The following SRPK2 variants were observed in gnomAD, a reference collection of about 807,000 sequenced individuals.
SRPK2 encodes the protein SRSF protein kinase 2.
In SRPK2, 21 loss-of-function variants were observed where a neutral mutation model predicts 90.8. The ratio of observed to expected loss-of-function variants is 0.23; its 90% CI spans 0.16 to 0.33. The LOEUF is 0.33. Among genes scored for constraint, SRPK2 ranks in the 10% least tolerant of loss-of-function variants. The probability of loss-of-function intolerance (pLI) is 1.00; values close to 1 mark genes in which losing one functional copy is unlikely to be tolerated. For synonymous variants in SRPK2, 288 were observed against 311.1 expected (o/e 0.93, Z 0.78); for missense variants, 620 against 869.0 (o/e 0.71, Z 3.60).
At chr7:105,302,615 T>G (rs905428543) in intron 2 of SRPK2, among the ~76,000 whole-genome samples, 1 of 152,188 alleles carries the variant, frequency 6.6e-6, no homozygotes, top group African/African-American at 2.4e-5. Context: ...ATACTTTTTC[T>G]AGTTTCTTTT....
intron 2 of SRPK2, among the ~76,000 whole-genome samples, chr7:105,223,370 C>CG: frequency 6.6e-6 from 1 of 152,302 alleles, no homozygotes; most frequent in East Asian, 1.9e-4. Context: ...AGACAGAACA[C>CG]GGAGTTGAAG....
chr7:105,307,813 T>A (rs573952201), intron 2 of SRPK2, among the ~76,000 whole-genome samples: 24 of 152,358 alleles, frequency 1.6e-4, no homozygotes, highest in African/African-American at 5.8e-4. Flanking sequence ...TTATCTTTTA[T>A]AATCATCATA....
intron 7 of SRPK2, among the ~76,000 whole-genome samples, chr7:105,156,222 C>G (rs1806464530): frequency 6.6e-6 from 1 of 152,160 alleles, no homozygotes; most frequent in South Asian, 2.1e-4. Context: ...TGAAGCCAGA[C>G]TATCTGGGTT....
intron 7 of SRPK2, among the ~76,000 whole-genome samples, chr7:105,159,078 A>C (rs960258040): frequency 1.3e-5 from 2 of 152,172 alleles, no homozygotes; most frequent in Non-Finnish European, 2.9e-5. Context: ...ACCTAGCATA[A>C]TACTACATAG....
At chr7:105,237,845 G>A (rs1229123550) in intron 2 of SRPK2, among the ~76,000 whole-genome samples, 2 of 152,118 alleles carry the variant, frequency 1.3e-5, no homozygotes, top group Non-Finnish European at 2.9e-5. Context: ...GGTTATAGGT[G>A]CATTATAAAC....
At chr7:105,373,990 T>C (rs1252966487) in intron 2 of SRPK2, among the ~76,000 whole-genome samples, 1 of 152,208 alleles carries the variant, frequency 6.6e-6, no homozygotes, top group Non-Finnish European at 1.5e-5. Context: ...TGCAGTGGCA[T>C]GATCTTGGCT....
At chr7:105,342,138 G>A (rs1295952818) in intron 2 of SRPK2, among the ~76,000 whole-genome samples, 1 of 150,478 alleles carries the variant, frequency 6.6e-6, no homozygotes, top group Non-Finnish European at 1.5e-5. Context: ...GGTGGCACAT[G>A]CCTGTGAAAC....
In SRPK2 at chr7:105,383,052, A is replaced by ATTTTTTTTTTTTTTTTTTT. The variant is rs1563315577; in HGVS notation, c.71+5595_71+5596insAAAAAAAAAAAAAAAAAAA. 3.8e-5 allele frequency among the ~76,000 whole-genome samples: 4 copies of ATTTTTTTTTTTTTTTTTTT among 105,276 alleles called. 2 individuals are homozygous for ATTTTTTTTTTTTTTTTTTT. Among genetic ancestry groups the ATTTTTTTTTTTTTTTTTTT allele is most frequent in the African/African-American group, 7.6e-5 (2 of 26,488 alleles). 69.1% of individuals were successfully genotyped at this position (105,276 alleles called of 152,430 possible). A position where few individuals can be genotyped will look rare whatever the true frequency, so the allele number is the denominator to read the frequency against. On this transcript the variant is annotated intron_variant, in intron 2 of 15. Transcript: ENST00000393651. ...AGTCTGAAATTATTTCAAAAGTAAA[A>ATTTTTTTTTTTTTTTTTTT]ATTTTTTTTTTTTTTTTTTTTTTTT...
At chr7:105,194,885 G>A (rs563891479) in intron 3 of SRPK2, among the ~76,000 whole-genome samples, 1 of 152,200 alleles carries the variant, frequency 6.6e-6, no homozygotes, top group South Asian at 2.1e-4. Context: ...CATACATTCT[G>A]TCTACTGATG....
chr7:105,213,352 G>C (rs1193520726), intron 2 of SRPK2, among the ~76,000 whole-genome samples: 1 of 152,134 alleles, frequency 6.6e-6, no homozygotes, highest in Non-Finnish European at 1.5e-5. Context: ...GAAAAGTAAA[G>C]GTTTGAGCTG....
chr7:105,136,755 C>A (rs186092563), intron 11 of SRPK2, among the ~76,000 whole-genome samples: 1 of 152,274 alleles, frequency 6.6e-6, no homozygotes, highest in East Asian at 1.9e-4. Flanking sequence ...AATATCCCCT[C>A]TATATGGAGG....
chr7:105,311,769 T>C (rs1013556297), intron 2 of SRPK2, among the ~76,000 whole-genome samples: 10 of 152,176 alleles, frequency 6.6e-5, no homozygotes, highest in South Asian at 2.1e-4. Flanking sequence ...ATGGTCATCA[T>C]GTAAAATAGT....
intron 2 of SRPK2, among the ~76,000 whole-genome samples, chr7:105,373,244 GATACTA>G (rs1354061134): frequency 1.3e-5 from 2 of 151,888 alleles, no homozygotes; most frequent in African/African-American, 4.8e-5. Context: ...TCAGAAAAAA[GATACTA>G]ATGCTAATGA....
intron 2 of SRPK2, among the ~76,000 whole-genome samples, chr7:105,280,864 G>A (rs981341383): frequency 4.2e-5 from 6 of 141,212 alleles, no homozygotes; most frequent in Non-Finnish European, 6.0e-5. Context: ...GGAGAATGGC[G>A]TGAACCCAGG....
intron 3 of SRPK2, among the ~76,000 whole-genome samples, chr7:105,172,026 T>A (rs10226838): frequency 5.3e-5 from 8 of 152,142 alleles, no homozygotes; most frequent in African/African-American, 1.9e-4. Context: ...CCCATGTAGC[T>A]GGGATTACAG....
At chr7:105,356,010 C>T (rs929872386) in intron 2 of SRPK2, among the ~76,000 whole-genome samples, 1 of 151,758 alleles carries the variant, frequency 6.6e-6, no homozygotes, top group Admixed American at 6.6e-5. Context: ...ACCATGCCAC[C>T]GCACTCCAGC....
intron 4 of SRPK2, 47 bp downstream of exon 4, chr7:105,169,110 T>A: frequency 5.2e-6 from 8 of 1,525,654 alleles, no homozygotes; most frequent in Non-Finnish European, 7.3e-6. Context: ...AACACAGATG[T>A]TGAACTACTC....
At chr7:105,301,272 C>A in intron 2 of SRPK2, among the ~76,000 whole-genome samples, 1 of 136,720 alleles carries the variant, frequency 7.3e-6, no homozygotes, top group Non-Finnish European at 1.6e-5. Flanking sequence ...GAAACCCCGT[C>A]TCTACTAAAA....
At chr7:105,325,528 C>A (rs1813470211) in intron 2 of SRPK2, among the ~76,000 whole-genome samples, 13 of 119,808 alleles carry the variant, frequency 1.1e-4, no homozygotes, top group East Asian at 7.8e-4. Flanking sequence ...TTAATGGCAT[C>A]ATTTTCCCCT....
Sources: gnomAD v4.1 joint callset for allele counts (sites outside exome capture counted in the v4.1 genomes callset) on GRCh38, gnomAD v4.1.1 for gene constraint, MANE v1.5 for transcripts, NCBI Gene and HGNC (gene_info 2026-07-23, HGNC 2026-07-21) for gene names.